Variants in MGAT4C observed in about 807,000 individuals in gnomAD.
MGAT4C encodes alpha-1,3-mannosyl-glycoprotein 4-beta-N-acetylglucosaminyltransferase C.
A neutral mutation model predicts 40.1 loss-of-function variants in MGAT4C; 19 were observed. The ratio of observed to expected loss-of-function variants is 0.47; its 90% CI spans 0.33 to 0.70. MGAT4C has a LOEUF of 0.70. Among genes scored for constraint, MGAT4C ranks in the 30% least tolerant of loss-of-function variants. MGAT4C has a pLI of 0.02. For synonymous variants in MGAT4C, 181 were observed against 187.1 expected (o/e 0.97, Z 0.27); for missense variants, 491 against 563.2 (o/e 0.87, Z 1.30).
chr12:86,212,614 C>T (rs1950515677), intron 1 of MGAT4C, among the ~76,000 whole-genome samples: 1 of 151,288 alleles, frequency 6.6e-6, no homozygotes, highest in Non-Finnish European at 1.5e-5. Context: ...CATGGCCGGG[C>T]GCGGTGGCTC....
intron 1 of MGAT4C, among the ~76,000 whole-genome samples, chr12:86,233,405 C>T (rs1315763096): frequency 6.6e-6 from 1 of 152,174 alleles, no homozygotes; most frequent in Non-Finnish European, 1.5e-5. Flanking sequence ...TGACACATTA[C>T]ATTATTCTTC....
intron 3 of MGAT4C, among the ~76,000 whole-genome samples, chr12:85,985,351 T>C (rs933650662): frequency 6.6e-6 from 1 of 152,200 alleles, no homozygotes; most frequent in African/African-American, 2.4e-5. Context: ...TGGCCAGACG[T>C]GACTATTCTT....
chr12:86,238,428 T>C (rs1401734227), intron 1 of MGAT4C, among the ~76,000 whole-genome samples: 1 of 152,034 alleles, frequency 6.6e-6, no homozygotes, highest in Non-Finnish European at 1.5e-5. Context: ...ATCATTACAG[T>C]ACAAATGTAG....
At chr12:86,361,172 A>T (rs1955456612) in intron 3 of MGAT4C, among the ~76,000 whole-genome samples, 1 of 152,216 alleles carries the variant, frequency 6.6e-6, no homozygotes, top group Non-Finnish European at 1.5e-5. Flanking sequence ...AGCCATCAGA[A>T]ATAATACCAC....
At chr12:86,686,730 A>G (rs1432315983) in intron 2 of MGAT4C, among the ~76,000 whole-genome samples, 2 of 152,182 alleles carry the variant, frequency 1.3e-5, no homozygotes, top group African/African-American at 4.8e-5. Context: ...TGCTGGATTC[A>G]GTTTGCCAAT....
At chr12:86,197,821 C>A (rs1485266096) in intron 1 of MGAT4C, among the ~76,000 whole-genome samples, 2 of 152,172 alleles carry the variant, frequency 1.3e-5, no homozygotes, top group Admixed American at 6.5e-5. Context: ...ACAGGCAAGA[C>A]ATCTGCCTCT....
intron 2 of MGAT4C, among the ~76,000 whole-genome samples, chr12:86,509,522 T>G (rs1372899370): frequency 1.3e-5 from 2 of 152,178 alleles, no homozygotes; most frequent in Non-Finnish European, 2.9e-5. Context: ...TCTTTTGGCT[T>G]AGGATTGACT....
intron 2 of MGAT4C, among the ~76,000 whole-genome samples, chr12:86,571,097 G>A (rs1224901941): frequency 6.6e-6 from 1 of 152,112 alleles, no homozygotes; most frequent in East Asian, 1.9e-4. Context: ...TTACAGGAGT[G>A]AGCTACCGGT....
intron 1 of MGAT4C, among the ~76,000 whole-genome samples, chr12:86,192,698 TTTG>T (rs1250811663): frequency 2.0e-5 from 3 of 152,190 alleles, no homozygotes; most frequent in Admixed American, 2.0e-4. Context: ...TTGGGTGATT[TTTG>T]TTGTTGTTGA....
At chr12:86,637,976 C>G (rs1301848535) in intron 2 of MGAT4C, among the ~76,000 whole-genome samples, 1 of 151,880 alleles carries the variant, frequency 6.6e-6, no homozygotes, top group Admixed American at 6.6e-5. Context: ...TTTAATACTT[C>G]AGAGAACATG....
intron 2 of MGAT4C, among the ~76,000 whole-genome samples, chr12:86,600,074 G>A (rs571963925): frequency 1.0e-3 from 152 of 152,258 alleles, no homozygotes; most frequent in African/African-American, 3.5e-3. Flanking sequence ...AAACACTTTT[G>A]GGGTACTTTC....
At chr12:86,089,497 T>A (rs968198771) in intron 1 of MGAT4C, among the ~76,000 whole-genome samples, 2 of 151,852 alleles carry the variant, frequency 1.3e-5, no homozygotes, top group Non-Finnish European at 2.9e-5. Context: ...ATCCCACTGG[T>A]TGAATTGTCA....
intron 2 of MGAT4C, among the ~76,000 whole-genome samples, chr12:86,495,536 T>C (rs755220326): frequency 1.9e-4 from 29 of 152,024 alleles, no homozygotes; most frequent in Non-Finnish European, 1.6e-4. Context: ...GTTCTGTGTG[T>C]CCAGGCTGGG....
At chr12:86,044,089 G>A (rs564449247) in intron 2 of MGAT4C, among the ~76,000 whole-genome samples, 2 of 152,282 alleles carry the variant, frequency 1.3e-5, no homozygotes, top group South Asian at 2.1e-4. Flanking sequence ...TTTGATTGTG[G>A]TCTAAGGTGG....
chr12:86,569,784 A>G (rs898356150), intron 2 of MGAT4C, among the ~76,000 whole-genome samples: 2 of 152,082 alleles, frequency 1.3e-5, no homozygotes, highest in Admixed American at 6.6e-5. Context: ...TAGAAAATTA[A>G]CTTACATGAC....
At chr12:86,429,428 T>C (rs1193888063) in intron 3 of MGAT4C, among the ~76,000 whole-genome samples, 1 of 152,214 alleles carries the variant, frequency 6.6e-6, no homozygotes, top group Non-Finnish European at 1.5e-5. Context: ...GAAGAATGTA[T>C]ACACTGTTGC....
intron 1 of MGAT4C, among the ~76,000 whole-genome samples, chr12:86,147,231 G>A (rs953785600): frequency 1.3e-5 from 2 of 152,128 alleles, no homozygotes; most frequent in African/African-American, 4.8e-5. Context: ...AAATAAGATA[G>A]CAGAAATTTA....
At chr12:86,476,991 T>C (rs1405393050) in intron 2 of MGAT4C, among the ~76,000 whole-genome samples, 1 of 152,068 alleles carries the variant, frequency 6.6e-6, no homozygotes. Context: ...GCTGACCATC[T>C]GGGTGATGGA....
chr12:86,285,509 G>T (rs1415961881), intron 4 of MGAT4C, among the ~76,000 whole-genome samples: 1 of 151,960 alleles, frequency 6.6e-6, no homozygotes, highest in Non-Finnish European at 1.5e-5. Context: ...ATCAAATAAT[G>T]ATTCTGGGAG....
Sources: gnomAD v4.1 joint callset for allele counts (sites outside exome capture counted in the v4.1 genomes callset) on GRCh38, gnomAD v4.1.1 for gene constraint, MANE v1.5 for transcripts, NCBI Gene and HGNC (gene_info 2026-07-23, HGNC 2026-07-21) for gene names.